C3: variants seen among roughly 807,000 people sequenced by gnomAD.
C3 encodes the protein C3 and PZP-like alpha-2-macroglobulin domain-containing protein 1.
In C3, 97 loss-of-function variants were observed where a neutral mutation model predicts 207.9. The observed-to-expected ratio is 0.47, with a 90% CI of 0.40 to 0.55. The LOEUF is 0.55. Among genes scored for constraint, C3 ranks in the 20% least tolerant of loss-of-function variants. The pLI, the probability that C3 is intolerant of heterozygous loss-of-function variation, is 0.00. For missense variants in C3, 1,684 were observed against 2,171.7 expected (o/e 0.78, Z 4.46); for synonymous variants, 848 against 857.6 (o/e 0.99, Z 0.20).
rs1427144036 is a variant in C3 at position 6,683,792 on chromosome 19, ATGT to A, written c.4172+593_4172+595del. On this transcript the variant is annotated intron_variant, in intron 33 of 40. Coordinates refer to ENST00000245907, the MANE Select transcript of C3 (RefSeq NM_000064.4). ...ATAACTGGCAGTATGATAATTTTAAATGTTGTAATAGAAACATTTAGGCTGGGC... is the reference window on the plus strand; with the variant it reads ...ATAACTGGCAGTATGATAATTTTAAATGTAATAGAAACATTTAGGCTGGGC... Among the ~76,000 whole-genome samples, 34 of 152,332 alleles carry A rather than the reference ATGT, an allele frequency of 2.2e-4. 1 individual carries two copies. The highest frequency in any genetic ancestry group is 2.9e-5 in the Non-Finnish European group (2 of 68,032).
At chr19:6,709,059 C>T (rs1225042707) in intron 14 of C3, among the ~76,000 whole-genome samples, 1 of 152,120 alleles carries the variant, frequency 6.6e-6, no homozygotes, top group Non-Finnish European at 1.5e-5. Flanking sequence ...GATCCCAAGC[C>T]AACCCCATCT....
At chr19:6,710,900 G>A in intron 12 of C3, 55 bp from the exon 13 acceptor site, 1 of 1,603,486 alleles carries the variant, frequency 6.2e-7, no homozygotes, top group Non-Finnish European at 8.5e-7. Flanking sequence ...GGAACGCAGG[G>A]AGGGATCCGG....
At chr19:6,682,321 G>A (rs1224569053) in intron 33 of C3, 92 bp from the exon 34 acceptor site, 5 of 901,694 alleles carry the variant, frequency 5.5e-6, no homozygotes, top group Non-Finnish European at 7.5e-6. Context: ...CAGGCACTGA[G>A]ACTTCTGATT....
At chr19:6,697,055 A>AAAAAAAAAAAAAAT (rs1967552955) in intron 21 of C3, among the ~76,000 whole-genome samples, 3 of 87,690 alleles carry the variant, frequency 3.4e-5, no homozygotes, top group Non-Finnish European at 4.6e-5. Flanking sequence ...AAAATAAACA[A>AAAAAAAAAAAAAAT]ACAAATAAAT....
intron 1 of C3, among the ~76,000 whole-genome samples, chr19:6,720,108 C>T (rs1968132519): frequency 6.6e-6 from 1 of 152,174 alleles, no homozygotes; most frequent in South Asian, 2.1e-4. Flanking sequence ...CACCCTAAAC[C>T]AACAGATGAC....
rs775654009 is a variant in C3, at chr19:6,679,481, C to T, written c.4472G>A (p.Arg1491Gln). Reference sequence around the variant, plus strand: ...ATCCTCCTTTTCCGGATGGTAGAACCGGGTACAGCTTTCCTCTGCGGGCAG... The same window carrying T: ...ATCCTCCTTTTCCGGATGGTAGAACTGGGTACAGCTTTCCTCTGCGGGCAG... ...AYYNLEESCT[R>Q]FYHPEKEDGK... Residue 1491 changes from arginine to glutamine, a missense_variant, in exon 37 of 41, where the codon CGG becomes CAG. Around this residue, in one of 3 missense-constraint regions of C3, gnomAD observed 346 missense variants for 380.1 expected, o/e 0.91. Coordinates refer to ENST00000245907, the MANE Select transcript of C3 (RefSeq NM_000064.4). The T allele has an allele frequency of 2.8e-5, 45 of 1,612,816 alleles. No homozygotes were observed. The highest frequency in any genetic ancestry group is 5.0e-5 in the Admixed American group (3 of 59,996).
rs372400337 is a variant in C3, at chr19:6,719,191, C to A, written c.267+20G>T. On this transcript the variant is annotated intron_variant, in intron 2 of 40. Coordinates refer to ENST00000245907, the MANE Select transcript of C3 (RefSeq NM_000064.4). The surrounding 1 kb of genome is among the most constrained non-coding windows in gnomAD (Gnocchi z 5.4). ...CGTGGCTGTGGGTGTCAGCCGGGTC[C>A]TGCGCCAGTCTGCACTCACCGTGAA... The A allele has an allele frequency of 9.3e-6, 15 of 1,612,246 alleles. No individual in the cohort carries two copies. The highest frequency in any genetic ancestry group is 1.3e-5 in the Non-Finnish European group (15 of 1,178,426).
intron 11 of C3, 119 bp from the exon 12 acceptor site, chr19:6,711,315 G>A: frequency 1.3e-6 from 1 of 760,098 alleles, no homozygotes; most frequent in Admixed American, 2.0e-5. Flanking sequence ...ATGGGATTAA[G>A]TTAGGGATCT....
intron 18 of C3, 94 bp from the exon 19 acceptor site, chr19:6,702,306 G>A (rs1967693578): frequency 1.0e-6 from 1 of 987,588 alleles, no homozygotes. Context: ...GGGACAGGCT[G>A]GAAGGGTCTG....
chr19:6,717,795 T>C lies in C3; in HGVS notation c.504+299A>G, dbSNP rs1233746757. 5.5e-6 allele frequency: 3 copies of C among 542,738 alleles called. No homozygotes were observed. In the Admixed American group the frequency reaches 9.0e-5, roughly 16 times the overall value. The allele number at this position is 542,738 out of a possible 1,614,324, so 33.6% of individuals were successfully genotyped here. ...TGTGTGTATTGTGTTGTGTGTTGTG[T>C]TGTGTGTGTTGTGTGGTCGTGTATG... is the stretch of plus-strand genomic sequence containing the variant. On this transcript the variant is annotated intron_variant, in intron 4 of 40. Coordinates refer to ENST00000245907, the MANE Select transcript of C3 (RefSeq NM_000064.4).
chr19:6,713,144 G>T, intron 9 of C3, 45 bp downstream of exon 9: 2 of 1,611,478 alleles, frequency 1.2e-6, no homozygotes, highest in Non-Finnish European at 1.7e-6. Flanking sequence ...CTCTCAGACC[G>T]GCCCACTTGG....
At chr19:6,683,770 A>C (rs1197460470) in intron 33 of C3, among the ~76,000 whole-genome samples, 1 of 152,174 alleles carries the variant, frequency 6.6e-6, no homozygotes, top group Non-Finnish European at 1.5e-5. Context: ...TATCTTTATA[A>C]CTGGCAGTAT....
chr19:6,704,691 G>A (rs1295291822), intron 17 of C3, among the ~76,000 whole-genome samples: 14 of 152,142 alleles, frequency 9.2e-5, no homozygotes, highest in African/African-American at 2.9e-4. Context: ...CACGGGAGGC[G>A]GAGGTTGTAG....
At position 6,686,912 on chromosome 19, in the gene C3, A is replaced by C. The variant is rs372843505; in HGVS notation, c.3490-10T>G. On this transcript the variant is annotated splice_polypyrimidine_tract_variant and intron_variant, in intron 27 of 40. Transcript: ENST00000245907. ...TGCTGCCTGGCAGGCTCTATGAGAA[A>C]GAGGATCAGATTCTCCGGTCATGTG... 164 of 1,614,122 alleles carry C rather than the reference A, an allele frequency of 1.0e-4. No homozygotes were observed. In the African/African-American group the frequency reaches 1.9e-3, roughly 18 times the overall value.
rs751407633 is a variant in C3, at chr19:6,677,875, G to A, written c.*7C>T. ...GCTTTATCTGGAGTGGGGGAATGGG[G>A]GTGTGGTCAGTTGGGGCACCCAAAG... On this transcript the variant is annotated 3_prime_UTR_variant, in exon 41 of 41. Coordinates refer to ENST00000245907, the MANE Select transcript of C3 (RefSeq NM_000064.4). 1 of 1,613,908 alleles carries A rather than the reference G, an allele frequency of 6.2e-7. No homozygotes were observed. Among genetic ancestry groups the A allele is most frequent in the Non-Finnish European group, 8.5e-7 (1 of 1,180,020 alleles).
intron 14 of C3, 73 bp downstream of exon 14, chr19:6,709,611 T>TTGCCC: frequency 4.9e-5 from 54 of 1,109,378 alleles, no homozygotes; most frequent in Non-Finnish European, 6.5e-5. Flanking sequence ...CCCTCTCCAG[T>TTGCCC]CCCACCCACC....
chr19:6,694,698 A>AAAAGGGTTCCAGCCTC, intron 23 of C3, 64 bp from the exon 24 acceptor site: 1 of 1,501,576 alleles, frequency 6.7e-7, no homozygotes, highest in Non-Finnish European at 9.1e-7. Context: ...GGGTGGCGTG[A>AAAAGGGTTCCAGCCTC]AAAGGGTTCC....
At chr19:6,699,242 T>C (rs1052977237) in intron 19 of C3, among the ~76,000 whole-genome samples, 26 of 69,124 alleles carry the variant, frequency 3.8e-4, no homozygotes, top group Non-Finnish European at 6.4e-4. Context: ...TCTTTTCTTT[T>C]CTTTTTTTTT....
intron 11 of C3, among the ~76,000 whole-genome samples, 173 bp downstream of exon 11, chr19:6,712,084 C>T (rs1317853967): frequency 2.0e-5 from 3 of 152,184 alleles, no homozygotes; most frequent in Admixed American, 2.0e-4. Flanking sequence ...CAGAACCCCT[C>T]TATGCAGATG....
Sources: gnomAD v4.1 joint callset for allele counts (sites outside exome capture counted in the v4.1 genomes callset) on GRCh38, gnomAD v4.1.1 for gene constraint, gnomAD v4.1.1 regional missense constraint, Gnocchi (gnomAD v3.1) non-coding constraint, MANE v1.5 for transcripts, NCBI Gene and HGNC (gene_info 2026-07-23, HGNC 2026-07-21) for gene names.